OR3A2: variants seen among roughly 807,000 people sequenced by gnomAD.
OR3A2 encodes olfactory receptor 3A2.
For missense variants in OR3A2, 318 were observed against 392.8 expected (o/e 0.81, Z 1.61); for synonymous variants, 126 against 159.3 (o/e 0.79, Z 1.57).
chr17:3,321,528 GCT>G (rs980989525), intron 3 of OR3A2, among the ~76,000 whole-genome samples: 1 of 151,992 alleles, frequency 6.6e-6, no homozygotes, highest in Non-Finnish European at 1.5e-5. Context: ...GTCATAGATA[GCT>G]CTTATTATTT....
chr17:3,292,933 A>G (rs1404886186), intron 3 of OR3A2, among the ~76,000 whole-genome samples: 4 of 152,096 alleles, frequency 2.6e-5, no homozygotes, highest in Non-Finnish European at 4.4e-5. Context: ...ATGGCCGAGT[A>G]AATCCAAAAT....
At position 3,292,087 on chromosome 17, in the gene OR3A2, T is replaced by G. The variant is rs61734045; in HGVS notation, c.-84-12934A>C. 3 of 1,614,020 alleles carry G rather than the reference T, an allele frequency of 1.9e-6. No individual in the cohort carries two copies. In the African/African-American group the frequency reaches 4.0e-5, roughly 22 times the overall value. On this transcript the variant is annotated intron_variant, in intron 3 of 4. Coordinates refer to the OR3A2 transcript ENST00000573491. ...GGGCCACAGAAGTTGAGCGTGGACA[T>G]GGCCACAGTGTGGGTCAGTGCGTTG...
intron 2 of OR3A2, among the ~76,000 whole-genome samples, chr17:3,353,118 CT>C (rs33989147): frequency 0.21 from 29,924 of 145,378 alleles, 3,295 homozygotes; most frequent in East Asian, 0.53. Context: ...CTTATAAGTT[CT>C]TTTTTTTTTT....
At chr17:3,354,454 C>G (rs1389239123) in intron 2 of OR3A2, among the ~76,000 whole-genome samples, 1 of 150,974 alleles carries the variant, frequency 6.6e-6, no homozygotes, top group Non-Finnish European at 1.5e-5. Context: ...TGACTTTCAT[C>G]TCATTATTAT....
At chr17:3,378,612 C>T (rs1194292704) in intron 2 of OR3A2, among the ~76,000 whole-genome samples, 2 of 152,126 alleles carry the variant, frequency 1.3e-5, no homozygotes, top group Non-Finnish European at 2.9e-5. Context: ...GCCAGCTCCA[C>T]CGAGCACGCA....
chr17:3,329,393 G>T (rs947351693), intron 3 of OR3A2, among the ~76,000 whole-genome samples: 10 of 150,606 alleles, frequency 6.6e-5, no homozygotes, highest in Non-Finnish European at 1.5e-4. Flanking sequence ...TTCAGCTCCC[G>T]TTATTGGTCT....
At chr17:3,336,562 A>C (rs956437440) in intron 2 of OR3A2, among the ~76,000 whole-genome samples, 3 of 152,240 alleles carry the variant, frequency 2.0e-5, no homozygotes, top group African/African-American at 7.2e-5. Context: ...AAATCCATTA[A>C]TGGTAGCCAA....
chr17:3,306,414 A>T (rs930127983), intron 3 of OR3A2, among the ~76,000 whole-genome samples: 1 of 151,948 alleles, frequency 6.6e-6, no homozygotes, highest in Non-Finnish European at 1.5e-5. Flanking sequence ...AACTGTTGGG[A>T]TTAGAGGCAC....
At chr17:3,372,067 C>T (rs868730536) in intron 2 of OR3A2, among the ~76,000 whole-genome samples, 11 of 137,598 alleles carry the variant, frequency 8.0e-5, no homozygotes, top group Non-Finnish European at 1.5e-4. Context: ...ACTTCTCAGA[C>T]GGGGCAGTTG....
At chr17:3,314,039 G>A (rs1176434864) in intron 3 of OR3A2, among the ~76,000 whole-genome samples, 1 of 152,188 alleles carries the variant, frequency 6.6e-6, no homozygotes, top group Admixed American at 6.5e-5. Context: ...TTCTTCTGAT[G>A]AAATAAAGAC....
Position 3,360,264 on chromosome 17 carries a change from G to GATT in OR3A2, c.-179+23539_-179+23540insAAT, listed in dbSNP as rs1443534426. 6.9e-4 allele frequency among the ~76,000 whole-genome samples: 58 copies of GATT among 83,716 alleles called. 2 individuals are homozygous for GATT. Among genetic ancestry groups the GATT allele is most frequent in the African/African-American group, 5.9e-3 (53 of 8,984 alleles). 54.9% of individuals were successfully genotyped at this position (83,716 alleles called of 152,430 possible). On this transcript the variant is annotated intron_variant, in intron 2 of 4. Transcript: ENST00000573491. ...ATATCCTTCGCCCACTTTTTGATGGGGTTGTTTTTTTCTTGTAAATTTGTT... is the reference window on the plus strand; with the variant it reads ...ATATCCTTCGCCCACTTTTTGATGGGATTGTTGTTTTTTTCTTGTAAATTTGTT...
At chr17:3,321,598 G>T (rs1039562446) in intron 3 of OR3A2, among the ~76,000 whole-genome samples, 1 of 152,178 alleles carries the variant, frequency 6.6e-6, no homozygotes, top group Non-Finnish European at 1.5e-5. Flanking sequence ...AAGCGTTGTT[G>T]AATTTTGTCA....
chr17:3,356,717 C>T (rs2049468391), intron 2 of OR3A2, among the ~76,000 whole-genome samples: 1 of 151,522 alleles, frequency 6.6e-6, no homozygotes, highest in South Asian at 2.1e-4. Flanking sequence ...AATATTGAAA[C>T]TGAAAAATTC....
chr17:3,278,181 G>C (rs2048752941), exon 2 of OR3A2: 1 of 1,614,206 alleles, frequency 6.2e-7, no homozygotes, highest in Non-Finnish European at 8.5e-7. Flanking sequence ...GGTGAGGTGG[G>C]AGCCACACGT....
intron 2 of OR3A2, among the ~76,000 whole-genome samples, chr17:3,340,713 T>A (rs1321057022): frequency 1.3e-5 from 2 of 149,184 alleles, no homozygotes; most frequent in East Asian, 3.9e-4. Flanking sequence ...ATAAGTGCAA[T>A]GTGGTGCTGA....
chr17:3,318,354 C>T (rs1211430896), intron 3 of OR3A2, among the ~76,000 whole-genome samples: 51 of 152,134 alleles, frequency 3.4e-4, no homozygotes, highest in Admixed American at 3.3e-3. Flanking sequence ...GTGGAAGAGG[C>T]CAATTAGTGA....
intron 2 of OR3A2, among the ~76,000 whole-genome samples, chr17:3,364,535 C>G (rs1401877304): frequency 1.3e-5 from 2 of 152,306 alleles, no homozygotes; most frequent in East Asian, 1.9e-4. Context: ...ATTCTACTCT[C>G]TACTGTAGTG....
chr17:3,335,432 A>T (rs2049269268), intron 3 of OR3A2, among the ~76,000 whole-genome samples: 1 of 152,160 alleles, frequency 6.6e-6, no homozygotes, highest in African/African-American at 2.4e-5. Flanking sequence ...TCCAATGAAT[A>T]ATCAATTACC....
rs547716395 is a variant in OR3A2 at position 3,358,771 on chromosome 17, G to A, written c.-178-22645C>T. ...ATATTCTATTGTTTTGGGGTGCAGA[G>A]TTTTGTATAGAAGTCTATCAGTTCT... On this transcript the variant is annotated intron_variant, in intron 2 of 4. Transcript: ENST00000573491. 3.6e-4 allele frequency among the ~76,000 whole-genome samples: 54 copies of A among 151,886 alleles called. 1 individual carries two copies. Among genetic ancestry groups the A allele is most frequent in the Admixed American group, 2.8e-3 (42 of 15,268 alleles).
Sources: allele counts gnomAD v4.1 joint callset (sites outside exome capture counted in the v4.1 genomes callset), GRCh38; gene constraint gnomAD v4.1.1; transcripts MANE v1.5; gene names NCBI Gene and HGNC (gene_info 2026-07-23, HGNC 2026-07-21).